CACNA2D3: variants seen among roughly 807,000 people sequenced by gnomAD.
The protein encoded by CACNA2D3 is voltage-dependent calcium channel subunit alpha-2/delta-3.
In CACNA2D3, 60 loss-of-function variants were observed where a neutral mutation model predicts 160.6. The observed-to-expected ratio is 0.37, with a 90% CI of 0.30 to 0.46. CACNA2D3 has a LOEUF of 0.46. CACNA2D3 is among the 20% of genes least tolerant of loss of function. The pLI is 1.00. For synonymous variants in CACNA2D3, 558 were observed against 492.9 expected, an observed-to-expected ratio of 1.13 and a Z score of -1.75; for missense variants, 1,205 against 1,365.0, an observed-to-expected ratio of 0.88 and a Z score of 1.85.
chr3:54,354,579 T>G (rs1202185154), intron 3 of CACNA2D3, among the ~76,000 whole-genome samples: 1 of 152,210 alleles, frequency 6.6e-6, no homozygotes, highest in Non-Finnish European at 1.5e-5. Flanking sequence ...GTCAGAATTT[T>G]CTGTCAGTGC....
chr3:54,808,136 C>G (rs952487424), intron 13 of CACNA2D3, among the ~76,000 whole-genome samples: 1 of 151,522 alleles, frequency 6.6e-6, no homozygotes, highest in Non-Finnish European at 1.5e-5. Flanking sequence ...AGCACATCAG[C>G]ATGGCACATG....
chr3:54,673,492 A>G (rs1700192943), intron 11 of CACNA2D3, among the ~76,000 whole-genome samples: 1 of 152,190 alleles, frequency 6.6e-6, no homozygotes, highest in Non-Finnish European at 1.5e-5. Context: ...ATTTGGAGAA[A>G]TTACATGATT....
chr3:54,949,159 C>A (rs1222697836), intron 27 of CACNA2D3, among the ~76,000 whole-genome samples: 1 of 152,168 alleles, frequency 6.6e-6, no homozygotes, highest in Non-Finnish European at 1.5e-5. Flanking sequence ...AGTTCAATGT[C>A]CTGGGGCTTG....
In CACNA2D3 at chr3:54,158,189, G is replaced by T. The variant is rs553311058; in HGVS notation, c.204+34595G>T. Among the ~76,000 whole-genome samples, 13 of 152,246 alleles carry T rather than the reference G, an allele frequency of 8.5e-5. No individual in the cohort carries two copies. In the South Asian group the frequency reaches 2.7e-3, roughly 32 times the overall value. ...CCTGTATTTCTGTGGCATTTTATTT[G>T]GCCTCTCTAGGGGGTGTATTTTCGA... On this transcript the variant is annotated intron_variant, in intron 2 of 37. Coordinates refer to ENST00000474759, the MANE Select transcript of CACNA2D3 (RefSeq NM_018398.3).
At chr3:54,852,649 G>A (rs112831098) in intron 17 of CACNA2D3, among the ~76,000 whole-genome samples, 284 of 152,234 alleles carry the variant, frequency 1.9e-3, no homozygotes, top group Non-Finnish European at 2.6e-3. Context: ...GGCAGTGCAC[G>A]TTTGTTAGTG....
intron 4 of CACNA2D3, among the ~76,000 whole-genome samples, chr3:54,477,552 C>T (rs1700851659): frequency 1.3e-5 from 2 of 152,120 alleles, no homozygotes; most frequent in Non-Finnish European, 2.9e-5. Context: ...CCCTGGGCCC[C>T]CACATTAATC....
chr3:54,123,555 C>G lies in CACNA2D3; in HGVS notation c.165C>G (p.Ser55=). 6.2e-7 allele frequency: 1 copy of G among 1,613,816 alleles called. No individual in the cohort carries two copies. Among genetic ancestry groups the G allele is most frequent in the Non-Finnish European group, 8.5e-7 (1 of 1,179,848 alleles). The change falls in exon 2 of 38, where the codon TCC becomes TCG. Residue 55 remains serine, a synonymous_variant. Transcript: ENST00000474759. The part of the protein sequence containing the change: ...WASAFGGEIK[S]IAAKYSGSQL... Reference sequence around the variant, plus strand: ...CGGCTTTTGGTGGGGAGATAAAATCCATTGCTGCTAAGTACTCCGGTTCCC... The same window carrying G: ...CGGCTTTTGGTGGGGAGATAAAATCGATTGCTGCTAAGTACTCCGGTTCCC...
At chr3:54,400,131 T>G (rs1170576351) in intron 4 of CACNA2D3, among the ~76,000 whole-genome samples, 2 of 145,016 alleles carry the variant, frequency 1.4e-5, no homozygotes, top group Admixed American at 7.0e-5. Context: ...GCTTCCCAGG[T>G]GAGGCAATGC....
chr3:54,779,319 G>C (rs1702488541), intron 13 of CACNA2D3, among the ~76,000 whole-genome samples: 2 of 152,058 alleles, frequency 1.3e-5, no homozygotes, highest in Non-Finnish European at 2.9e-5. Flanking sequence ...GGCTGGTCTT[G>C]AACTCCTCAC....
chr3:54,522,598 C>G (rs1701662045), intron 5 of CACNA2D3, among the ~76,000 whole-genome samples: 2 of 152,092 alleles, frequency 1.3e-5, no homozygotes, highest in African/African-American at 4.8e-5. Flanking sequence ...CTCATAGTTC[C>G]AGAGACTGGG....
At chr3:54,927,390 A>C (rs1395625171) in intron 27 of CACNA2D3, among the ~76,000 whole-genome samples, 1 of 152,262 alleles carries the variant, frequency 6.6e-6, no homozygotes, top group East Asian at 1.9e-4. Context: ...TAATTTTGCA[A>C]ATAATCTAAA....
Position 54,196,263 on chromosome 3 carries a change from T to G in CACNA2D3, c.204+72669T>G, listed in dbSNP as rs369228672. 1.6e-3 allele frequency among the ~76,000 whole-genome samples: 247 copies of G among 152,362 alleles called. 1 individual carries two copies. Among genetic ancestry groups the G allele is most frequent in the East Asian group, 8.1e-3 (42 of 5,188 alleles). Reference sequence around the variant, plus strand: ...TTTTAAAAAATATTATATGTTGATATTATCTAACTTTTATTTCAGGATAGT... The same window carrying G: ...TTTTAAAAAATATTATATGTTGATAGTATCTAACTTTTATTTCAGGATAGT... On this transcript the variant is annotated intron_variant, in intron 2 of 37. Coordinates refer to ENST00000474759, the MANE Select transcript of CACNA2D3 (RefSeq NM_018398.3).
chr3:55,038,391 G>A (rs1325441969), intron 35 of CACNA2D3, among the ~76,000 whole-genome samples: 1 of 152,070 alleles, frequency 6.6e-6, no homozygotes, highest in Non-Finnish European at 1.5e-5. Flanking sequence ...GGGCCATGGA[G>A]CCAAACACAT....
chr3:54,496,773 A>G (rs1192676308), intron 4 of CACNA2D3, among the ~76,000 whole-genome samples: 6 of 152,120 alleles, frequency 3.9e-5, no homozygotes, highest in African/African-American at 1.2e-4. Flanking sequence ...TAGTTTTTAC[A>G]TTTAAGTCTG....
At chr3:54,592,915 A>T (rs985229071) in intron 9 of CACNA2D3, among the ~76,000 whole-genome samples, 2 of 152,162 alleles carry the variant, frequency 1.3e-5, no homozygotes, top group African/African-American at 4.8e-5. Flanking sequence ...GGCACTCTGG[A>T]TTCTAAAACT....
At chr3:54,345,666 G>A (rs1177501075) in intron 3 of CACNA2D3, among the ~76,000 whole-genome samples, 3 of 152,032 alleles carry the variant, frequency 2.0e-5, no homozygotes, top group East Asian at 1.9e-4. Flanking sequence ...TTTTCTCTGT[G>A]AGGCTCAGTG....
intron 4 of CACNA2D3, among the ~76,000 whole-genome samples, chr3:54,463,877 CT>C (rs1700557038): frequency 6.6e-6 from 1 of 152,160 alleles, no homozygotes; most frequent in African/African-American, 2.4e-5. Flanking sequence ...TTTTTCTGCT[CT>C]GTTTTTTCCC....
At chr3:54,561,837 G>C (rs2106704798) in intron 5 of CACNA2D3, among the ~76,000 whole-genome samples, 1 of 152,262 alleles carries the variant, frequency 6.6e-6, no homozygotes, top group South Asian at 2.1e-4. Flanking sequence ...ATTTATAAAG[G>C]AAAGAGGTTT....
intron 35 of CACNA2D3, among the ~76,000 whole-genome samples, chr3:55,058,355 G>A (rs910414266): frequency 6.6e-6 from 1 of 152,216 alleles, no homozygotes; most frequent in Non-Finnish European, 1.5e-5. Context: ...AATGTATCAA[G>A]CTCCAATTGT....
Sources: gnomAD v4.1 joint callset for allele counts (sites outside exome capture counted in the v4.1 genomes callset) on GRCh38, gnomAD v4.1.1 for gene constraint, MANE v1.5 for transcripts, NCBI Gene and HGNC (gene_info 2026-07-23, HGNC 2026-07-21) for gene names.